CSMD1: variants seen among roughly 807,000 people sequenced by gnomAD.
CSMD1 encodes CUB and sushi domain-containing protein 1.
CSMD1 carries 213 observed loss-of-function variants against 417.5 expected under a neutral mutation model. The observed-to-expected ratio is 0.51, with a 90% confidence interval of 0.46 to 0.57. CSMD1 has a LOEUF of 0.57. Ranked by LOEUF, CSMD1 falls within the 20% of genes least tolerant of loss-of-function variation. The probability of loss-of-function intolerance (pLI) is 0.00; values close to 1 mark genes in which losing one functional copy is unlikely to be tolerated. For synonymous variants in CSMD1, 2,862 were observed against 1,736.8 expected, an observed-to-expected ratio of 1.65 and a Z score of -16.11; for missense variants, 6,923 against 4,529.7, an observed-to-expected ratio of 1.53 and a Z score of -15.17.
intron 5 of CSMD1, among the ~76,000 whole-genome samples, chr8:3,946,705 T>C (rs914177556): frequency 1.3e-5 from 2 of 152,192 alleles, no homozygotes; most frequent in Admixed American, 6.5e-5. Flanking sequence ...TCTCCCCTTT[T>C]CATTTTTCAT....
chr8:4,029,635 A>C (rs894929343), intron 4 of CSMD1, among the ~76,000 whole-genome samples: 3 of 152,110 alleles, frequency 2.0e-5, no homozygotes, highest in Admixed American at 6.5e-5. Flanking sequence ...GGACACAGCC[A>C]AACCATATCA....
intron 3 of CSMD1, among the ~76,000 whole-genome samples, chr8:4,037,562 G>T (rs757703644): frequency 1.3e-5 from 2 of 152,058 alleles, no homozygotes; most frequent in Non-Finnish European, 2.9e-5. Context: ...GCCTTTGCAA[G>T]GTGCCGTTTT....
intron 51 of CSMD1, among the ~76,000 whole-genome samples, chr8:3,021,216 G>A (rs2128970822): frequency 6.6e-6 from 1 of 152,204 alleles, no homozygotes; most frequent in Non-Finnish European, 1.5e-5. Context: ...AAATATTCTG[G>A]TGACAAAACT....
At chr8:4,949,839 T>C (rs75932805) in intron 1 of CSMD1, among the ~76,000 whole-genome samples, 3,998 of 152,272 alleles carry the variant, frequency 0.026, 53 homozygotes, top group Middle Eastern at 0.078. Context: ...AGGATATATA[T>C]ATAGAGAGAA....
intron 57 of CSMD1, 68 bp downstream of exon 57, chr8:2,973,049 C>G: frequency 6.8e-7 from 1 of 1,475,060 alleles, no homozygotes. Flanking sequence ...AGAATTTTGC[C>G]AGGCATTTTA....
intron 3 of CSMD1, among the ~76,000 whole-genome samples, chr8:4,402,821 CTTTTTTTTTTTT>C (rs1396591610): frequency 1.5e-5 from 1 of 66,352 alleles, no homozygotes; most frequent in Non-Finnish European, 2.9e-5. Context: ...TTTTTTTTTT[CTTTTTTTTTTTT>C]TTTTGGAGAC....
intron 7 of CSMD1, among the ~76,000 whole-genome samples, chr8:3,652,372 A>G (rs1012323014): frequency 6.6e-5 from 10 of 152,362 alleles, no homozygotes; most frequent in Middle Eastern, 3.4e-3. Context: ...TACCACCATC[A>G]GAGCGCTTAG....
chr8:4,391,950 C>A (rs972682573), intron 3 of CSMD1, among the ~76,000 whole-genome samples: 1 of 152,180 alleles, frequency 6.6e-6, no homozygotes, highest in South Asian at 2.1e-4. Context: ...GAGATAGTCT[C>A]CTTGAGCAGA....
rs546981461 is a variant in CSMD1 at position 3,564,878 on chromosome 8, T to A, written c.1344+10067A>T. Among the ~76,000 whole-genome samples, 4 of 151,766 alleles carry A rather than the reference T, an allele frequency of 2.6e-5. No individual in the cohort carries two copies. The South Asian group carries it at 8.3e-4, about 32-fold the overall frequency. On this transcript the variant is annotated intron_variant, in intron 10 of 69. Transcript: ENST00000635120. ...TTAAGCAGCAGTAACGGGTAAGTCA[T>A]AGACAATGAAATAGCTGGCACACAG... is the stretch of plus-strand genomic sequence containing the variant.
intron 12 of CSMD1, among the ~76,000 whole-genome samples, chr8:3,416,555 C>G (rs1339397449): frequency 6.6e-6 from 1 of 152,182 alleles, no homozygotes; most frequent in African/African-American, 2.4e-5. Context: ...ACTGTGCCGT[C>G]AGAAGCATAG....
At chr8:3,612,032 T>G (rs1350359914) in intron 8 of CSMD1, among the ~76,000 whole-genome samples, 1 of 152,164 alleles carries the variant, frequency 6.6e-6, no homozygotes, top group African/African-American at 2.4e-5. Context: ...TTCAGCTATA[T>G]GTACAACTGG....
rs1029387294 is a variant in CSMD1, at chr8:4,841,861, A to T, written c.85+152471T>A. Among the ~76,000 whole-genome samples, 5 of 139,332 alleles carry T rather than the reference A, an allele frequency of 3.6e-5. No individual in the cohort carries two copies. The Admixed American group carries it at 4.0e-4, about 11-fold the overall frequency. The allele number at this position is 139,332 out of a possible 152,430, so 91.4% of individuals were successfully genotyped here. ...GGGAGGTGGAGGTTACAGTGAGCCG[A>T]GATCGCACCGTTGCACTCTAGCCGG... On this transcript the variant is annotated intron_variant, in intron 1 of 69. Transcript: ENST00000635120.
intron 5 of CSMD1, among the ~76,000 whole-genome samples, chr8:3,796,756 A>T (rs898243240): frequency 1.3e-5 from 2 of 151,246 alleles, no homozygotes; most frequent in African/African-American, 2.4e-5. Flanking sequence ...TTGCAATTAT[A>T]CAAAATATTC....
At chr8:3,709,350 C>G (rs1801362482) in intron 6 of CSMD1, among the ~76,000 whole-genome samples, 1 of 152,144 alleles carries the variant, frequency 6.6e-6, no homozygotes, top group African/African-American at 2.4e-5. Context: ...TCTTTGCTTA[C>G]AACAGGGTGG....
At chr8:3,743,989 G>A (rs955074668) in intron 6 of CSMD1, among the ~76,000 whole-genome samples, 17 of 152,040 alleles carry the variant, frequency 1.1e-4, no homozygotes, top group South Asian at 2.1e-4. Flanking sequence ...CCCTACCCCC[G>A]TTACATGAAA....
At chr8:4,292,049 T>A (rs1464372212) in intron 3 of CSMD1, among the ~76,000 whole-genome samples, 2 of 152,058 alleles carry the variant, frequency 1.3e-5, no homozygotes, top group Admixed American at 6.6e-5. Context: ...TAATGGAGGT[T>A]TGGACACTTG....
chr8:3,271,262 C>CA (rs1238039919), intron 26 of CSMD1, among the ~76,000 whole-genome samples: 4 of 152,002 alleles, frequency 2.6e-5, no homozygotes. Context: ...ATGAACTCAT[C>CA]ATTTTTTAAG....
intron 4 of CSMD1, among the ~76,000 whole-genome samples, chr8:4,005,538 C>T (rs1052938964): frequency 6.6e-6 from 1 of 152,164 alleles, no homozygotes; most frequent in East Asian, 1.9e-4. Flanking sequence ...CGAATTGGCT[C>T]ATTCTTTATT....
chr8:3,763,577 G>C (rs975127713), intron 5 of CSMD1, among the ~76,000 whole-genome samples: 1 of 152,096 alleles, frequency 6.6e-6, no homozygotes, highest in African/African-American at 2.4e-5. Flanking sequence ...AGCCCCGTTT[G>C]GTACAGCCTG....
Sources: gnomAD v4.1 joint callset for allele counts (sites outside exome capture counted in the v4.1 genomes callset) on GRCh38, gnomAD v4.1.1 for gene constraint, MANE v1.5 for transcripts, NCBI Gene and HGNC (gene_info 2026-07-23, HGNC 2026-07-21) for gene names.